The following BRCA1 variants were observed in gnomAD, a reference collection of about 807,000 sequenced individuals.
BRCA1 encodes BRCA1 DNA repair associated.
In BRCA1, 140 loss-of-function variants were observed where a neutral mutation model predicts 173.7. That is an observed-to-expected ratio of 0.81 (90% confidence interval 0.70 to 0.93). The LOEUF is 0.93. Among genes scored for constraint, BRCA1 ranks in the 40% least tolerant of loss-of-function variants. The pLI is 0.00. For synonymous variants in BRCA1, 662 were observed against 756.0 expected (o/e 0.88, Z 2.04); for missense variants, 1,983 against 2,172.5 (o/e 0.91, Z 1.73).
rs545223577 is a variant in BRCA1 at position 43,094,965 on chromosome 17, A to G, written c.671-105T>C. 86 of 1,013,668 alleles carry G rather than the reference A, an allele frequency of 8.5e-5. No homozygotes were observed. In the South Asian group the frequency reaches 1.1e-3, roughly 14 times the overall value. 62.8% of individuals were successfully genotyped at this position (1,013,668 alleles called of 1,614,324 possible). A position where few individuals can be genotyped will look rare whatever the true frequency, so the allele number is the denominator to read the frequency against. On this transcript the variant is annotated intron_variant, in intron 9 of 22. Transcript: ENST00000357654. The stretch of plus-strand genomic sequence containing the variant: ...TGGAAATCAACCAACTGGCTATATT[A>G]GAGAAACTAACCTCATAAACTACCA...
intron 6 of BRCA1, among the ~76,000 whole-genome samples, chr17:43,102,236 A>G (rs1304164240): frequency 6.6e-6 from 1 of 151,396 alleles, no homozygotes; most frequent in African/African-American, 2.4e-5. Context: ...ACGCTCAGCT[A>G]ATTTTTCTGT....
chr17:43,067,743 C>G (rs1035013269), intron 15 of BRCA1, 48 bp from the exon 16 acceptor site: 1 of 1,443,616 alleles, frequency 6.9e-7, no homozygotes. Context: ...CTCTAGCACA[C>G]AGCTCAGAAT....
At chr17:43,123,916 A>C in intron 2 of BRCA1, 101 bp downstream of exon 2, 2 of 907,222 alleles carry the variant, frequency 2.2e-6, no homozygotes, top group Non-Finnish European at 3.7e-6. Flanking sequence ...TAATCTTACT[A>C]GACATGTCTT....
At chr17:43,133,394 T>C (rs1362354477) in intron 1 of BRCA1, among the ~76,000 whole-genome samples, 2 of 152,174 alleles carry the variant, frequency 1.3e-5, no homozygotes, top group Non-Finnish European at 2.9e-5. Context: ...GTAGAGTGAC[T>C]CTTTAGGGGC....
At chr17:43,135,786 C>T (rs1263345902) in intron 1 of BRCA1, among the ~76,000 whole-genome samples, 5 of 152,214 alleles carry the variant, frequency 3.3e-5, no homozygotes, top group Admixed American at 6.5e-5. Flanking sequence ...CAGCATCTCC[C>T]TCCCTCCAGG....
intron 1 of BRCA1, among the ~76,000 whole-genome samples, chr17:43,132,351 T>C (rs552544954): frequency 6.6e-6 from 1 of 152,096 alleles, no homozygotes; most frequent in Non-Finnish European, 1.5e-5. Flanking sequence ...CCCATACTCA[T>C]TGGGTTGCCC....
intron 1 of BRCA1, among the ~76,000 whole-genome samples, chr17:43,151,767 G>A (rs979011740): frequency 1.3e-5 from 2 of 152,100 alleles, no homozygotes; most frequent in Non-Finnish European, 1.5e-5. Context: ...ATGGTGGCAC[G>A]CCCCTGTCCT....
At chr17:43,096,234 G>A (rs1052038210) in intron 8 of BRCA1, among the ~76,000 whole-genome samples, 8 of 151,756 alleles carry the variant, frequency 5.3e-5, no homozygotes, top group South Asian at 2.1e-4. Context: ...AAAATTAGCC[G>A]GGTGTGGTGG....
chr17:43,079,406 G>A, intron 12 of BRCA1: 2 of 1,594,376 alleles, frequency 1.3e-6, no homozygotes, highest in African/African-American at 1.3e-5. Context: ...GAATCTGTAA[G>A]AAAGGTGAAA....
At position 43,051,085 on chromosome 17, in the gene BRCA1, C is replaced by G. The variant is rs273901761; in HGVS notation, c.5310G>C (p.Gly1770=). Residue 1770 remains glycine, a synonymous_variant, in exon 20 of 23, where the codon GGG becomes GGC. Transcript: ENST00000357654. ...TACCTGTGGGCATGTTGGTGAAGGG[C>G]CCATAGCAACAGATTTCTAGCCCCC... ...IFRGLEICCY[G]PFTNMPTDQL... The G allele has an allele frequency of 6.2e-7, 1 of 1,613,758 alleles. No individual in the cohort carries two copies. The highest frequency in any genetic ancestry group is 1.3e-5 in the African/African-American group (1 of 74,824).
intron 9 of BRCA1, among the ~76,000 whole-genome samples, chr17:43,095,294 A>G (rs1341431569): frequency 6.6e-6 from 1 of 152,224 alleles, no homozygotes; most frequent in Non-Finnish European, 1.5e-5. Flanking sequence ...TTAAAAGTAA[A>G]GGGCAGGCCA....
At chr17:43,045,909 G>T (rs2152640176) in intron 22 of BRCA1, 107 bp from the exon 23 acceptor site, 3 of 1,415,686 alleles carry the variant, frequency 2.1e-6, no homozygotes, top group Non-Finnish European at 2.9e-6. Context: ...TAGGATTAAT[G>T]AGGTAGAAGC....
chr17:43,053,123 G>A (rs910050406), intron 19 of BRCA1, among the ~76,000 whole-genome samples: 2 of 151,840 alleles, frequency 1.3e-5, no homozygotes, highest in Admixed American at 6.6e-5. Flanking sequence ...TGATCCACCC[G>A]CCTCAGGCTC....
upstream of BRCA1, among the ~76,000 whole-genome samples, chr17:43,127,223 C>T (rs1411097058): frequency 6.6e-6 from 1 of 152,240 alleles, no homozygotes; most frequent in Non-Finnish European, 1.5e-5. Flanking sequence ...CGGCACAGCC[C>T]TGCGCAGGAT....
At chr17:43,143,034 G>GTA (rs564545047) in intron 1 of BRCA1, among the ~76,000 whole-genome samples, 3 of 149,076 alleles carry the variant, frequency 2.0e-5, no homozygotes, top group African/African-American at 7.4e-5. Flanking sequence ...ATATATGTGT[G>GTA]TATATATATG....
chr17:43,109,724 G>A (rs918203494), intron 3 of BRCA1, among the ~76,000 whole-genome samples: 3 of 152,048 alleles, frequency 2.0e-5, no homozygotes, highest in African/African-American at 7.2e-5. Flanking sequence ...CCAGCAAATA[G>A]TACAATTGAA....
chr17:43,147,741 G>A (rs184265864), intron 1 of BRCA1, among the ~76,000 whole-genome samples: 7 of 152,304 alleles, frequency 4.6e-5, no homozygotes, highest in African/African-American at 1.7e-4. Flanking sequence ...AAAAGAGAAA[G>A]TAGTGTTTCC....
Position 43,070,931 on chromosome 17 carries a change from TTCTTCTGGGGTCAGGCCAG to T in BRCA1, c.4964_4982del (p.Ser1655TyrfsTer16), listed in dbSNP as rs80359876. 1 of 1,614,166 alleles carries T rather than the reference TTCTTCTGGGGTCAGGCCAG, an allele frequency of 6.2e-7. No individual in the cohort carries two copies. The highest frequency in any genetic ancestry group is 8.5e-7 in the Non-Finnish European group (1 of 1,180,028). ...AGATACATATGGATACACTCACAAA[TTCTTCTGGGGTCAGGCCAG>T]ACACCACCATGGACATTCTTTTGTT... On this transcript the variant is annotated frameshift_variant, in exon 15 of 23. Coordinates refer to ENST00000357654, the MANE Select transcript of BRCA1 (RefSeq NM_007294.4). LOFTEE classifies it high-confidence loss of function.
At chr17:43,118,444 T>C (rs2154568282) in intron 2 of BRCA1, among the ~76,000 whole-genome samples, 1 of 151,932 alleles carries the variant, frequency 6.6e-6, no homozygotes, top group East Asian at 1.9e-4. Context: ...TGGCACCATC[T>C]CGGCTCTCTG....
Sources: allele counts gnomAD v4.1 joint callset (sites outside exome capture counted in the v4.1 genomes callset), GRCh38; gene constraint gnomAD v4.1.1; transcripts MANE v1.5; gene names NCBI Gene and HGNC (gene_info 2026-07-23, HGNC 2026-07-21).